Variants in SIPA1L3 observed in about 807,000 individuals in gnomAD.
SIPA1L3 encodes signal induced proliferation associated 1 like 3.
A neutral mutation model predicts 150.1 loss-of-function variants in SIPA1L3; 59 were observed. The ratio of observed to expected loss-of-function variants is 0.39; its 90% CI spans 0.32 to 0.49. SIPA1L3 has a LOEUF of 0.49. SIPA1L3 is among the 20% of genes least tolerant of loss of function. The pLI is 0.86. For synonymous variants in SIPA1L3, 1,070 were observed against 1,077.6 expected (o/e 0.99, Z 0.14); for missense variants, 2,211 against 2,489.5 (o/e 0.89, Z 2.38).
chr19:38,085,479 CAAAAAAAAAAA>C (rs1169340957), intron 3 of SIPA1L3, among the ~76,000 whole-genome samples: 1 of 66,128 alleles, frequency 1.5e-5, no homozygotes, highest in African/African-American at 4.5e-5. Flanking sequence ...GACTCCGTCT[CAAAAAAAAAAA>C]AAAAAAAAAG....
intron 1 of SIPA1L3, among the ~76,000 whole-genome samples, chr19:37,984,643 G>A (rs1238770721): frequency 6.6e-6 from 1 of 152,196 alleles, no homozygotes; most frequent in African/African-American, 2.4e-5. Flanking sequence ...GCTTACTAAT[G>A]AGCTTGGAAC....
In SIPA1L3 at chr19:38,130,582, G is replaced by A. The variant is rs764663824; in HGVS notation, c.2953G>A (p.Gly985Ser). 1.9e-6 allele frequency: 3 copies of A among 1,613,718 alleles called. No individual in the cohort carries two copies. The highest frequency in any genetic ancestry group is 1.3e-5 in the African/African-American group (1 of 74,938). Reference sequence around the variant, plus strand: ...GCTGGGCTTCCACGTGAAGTACGACGGCACGGTGGCCGAGGTTGAGGACTA... The same window carrying A: ...GCTGGGCTTCCACGTGAAGTACGACAGCACGGTGGCCGAGGTTGAGGACTA... ...GQLGFHVKYDGTVAEVEDYGF... is the reference protein window; with the variant it reads ...GQLGFHVKYDSTVAEVEDYGF... Residue 985 changes from glycine (G) to serine (S), a missense_variant, in exon 10 of 22, where the codon GGC becomes AGC. Physicochemically the swap from Gly to Ser is moderately conservative, Grantham distance 56. This residue lies in a region of SIPA1L3 where 625 missense variants were observed against 804.2 expected (regional missense o/e 0.78). Coordinates refer to ENST00000222345, the MANE Select transcript of SIPA1L3 (RefSeq NM_015073.3).
chr19:38,150,646 C>A (rs1971800905), intron 12 of SIPA1L3, among the ~76,000 whole-genome samples: 1 of 149,364 alleles, frequency 6.7e-6, no homozygotes, highest in Admixed American at 6.9e-5. Context: ...TCAATTGATT[C>A]TCCTGCCTCA....
chr19:37,909,142 C>T (rs117440584), intron 1 of SIPA1L3, among the ~76,000 whole-genome samples: 6 of 152,334 alleles, frequency 3.9e-5, no homozygotes, highest in South Asian at 4.1e-4. Flanking sequence ...GCAAGAAGGA[C>T]GAAGCTGCCA....
chr19:38,155,952 A>G (rs935953430), intron 13 of SIPA1L3, among the ~76,000 whole-genome samples: 5 of 151,942 alleles, frequency 3.3e-5, no homozygotes, highest in Non-Finnish European at 5.9e-5. Flanking sequence ...GTGATGGTGC[A>G]TGCCTATAAT....
intron 1 of SIPA1L3, among the ~76,000 whole-genome samples, chr19:37,984,479 C>T (rs1967293947): frequency 6.6e-6 from 1 of 151,942 alleles, no homozygotes; most frequent in African/African-American, 2.4e-5. Flanking sequence ...AAAAAGAAAT[C>T]CCCCAGATAG....
intron 20 of SIPA1L3, among the ~76,000 whole-genome samples, chr19:38,203,060 C>G (rs1973124128): frequency 6.6e-6 from 1 of 152,212 alleles, no homozygotes; most frequent in African/African-American, 2.4e-5. Context: ...ATACAACCAT[C>G]CGTGCACTGT....
intron 1 of SIPA1L3, among the ~76,000 whole-genome samples, chr19:37,994,366 G>A (rs573296534): frequency 1.4e-4 from 21 of 152,348 alleles, no homozygotes; most frequent in Non-Finnish European, 2.9e-4. Flanking sequence ...TGGCGCCAGT[G>A]TGTGGAGATC....
chr19:37,937,829 G>A (rs1388994228), intron 1 of SIPA1L3, among the ~76,000 whole-genome samples: 1 of 150,038 alleles, frequency 6.7e-6, no homozygotes, highest in Middle Eastern at 3.2e-3. Flanking sequence ...GGCAGATCAT[G>A]AGCTTAAGAG....
intron 8 of SIPA1L3, among the ~76,000 whole-genome samples, chr19:38,114,424 C>CAA (rs5828003): frequency 1.7e-4 from 17 of 100,244 alleles, no homozygotes; most frequent in South Asian, 6.9e-4. Context: ...ACTCTTGTCT[C>CAA]AAAAAAAAAA....
intron 1 of SIPA1L3, among the ~76,000 whole-genome samples, chr19:37,945,206 A>T (rs2046699197): frequency 6.6e-6 from 1 of 152,072 alleles, no homozygotes; most frequent in Non-Finnish European, 1.5e-5. Flanking sequence ...AAAAAATTGC[A>T]AGTCAGAGAC....
At chr19:38,136,015 C>T (rs1417654845) in intron 10 of SIPA1L3, among the ~76,000 whole-genome samples, 1 of 151,662 alleles carries the variant, frequency 6.6e-6, no homozygotes, top group Non-Finnish European at 1.5e-5. Flanking sequence ...TTCCTCCTAC[C>T]CCCAGGCCAC....
intron 3 of SIPA1L3, among the ~76,000 whole-genome samples, chr19:38,085,625 T>C (rs994247878): frequency 6.6e-6 from 1 of 152,232 alleles, no homozygotes; most frequent in Non-Finnish European, 1.5e-5. Flanking sequence ...TTTCTTAAAG[T>C]TCGCCAAGAA....
At chr19:38,175,438 T>G (rs1169192150) in intron 15 of SIPA1L3, among the ~76,000 whole-genome samples, 1 of 152,160 alleles carries the variant, frequency 6.6e-6, no homozygotes, top group Non-Finnish European at 1.5e-5. Flanking sequence ...CTACCCAGCC[T>G]CTGGTTTTTC....
intron 1 of SIPA1L3, among the ~76,000 whole-genome samples, chr19:37,963,516 G>C (rs1412486338): frequency 6.6e-6 from 1 of 152,252 alleles, no homozygotes; most frequent in Non-Finnish European, 1.5e-5. Context: ...CAGCCACAAA[G>C]TTTTCATGGC....
chr19:38,186,710 G>A (rs1194979546), intron 16 of SIPA1L3, among the ~76,000 whole-genome samples: 1 of 151,320 alleles, frequency 6.6e-6, no homozygotes, highest in Admixed American at 6.6e-5. Context: ...CCAAGGCCGA[G>A]TGTGGCGCGG....
rs1465637375 is a variant in SIPA1L3, at chr19:38,162,350, T to G, written c.3759T>G (p.Asp1253Glu). The G allele has an allele frequency of 1.9e-6, 3 of 1,614,116 alleles. No individual in the cohort carries two copies. Among genetic ancestry groups the G allele is most frequent in the Non-Finnish European group, 2.5e-6 (3 of 1,179,954 alleles). Residue 1253 changes from aspartate to glutamate, a missense_variant, in exon 14 of 22, where the codon GAT becomes GAG. Asp to Glu is a conservative substitution (Grantham distance 45). Coordinates refer to ENST00000222345, the MANE Select transcript of SIPA1L3 (RefSeq NM_015073.3). ...CCAGGCAGGATGCAGCAGGCAAAGA[T>G]TCCCCCAACAGGCATTCCAAAGTGA... ...HPSRQDAAGK[D>E]SPNRHSKGEP...
At chr19:38,087,164 T>C (rs1438016552) in intron 3 of SIPA1L3, among the ~76,000 whole-genome samples, 1 of 152,200 alleles carries the variant, frequency 6.6e-6, no homozygotes, top group Non-Finnish European at 1.5e-5. Flanking sequence ...GCAAAGAATC[T>C]TTGTCAAAGC....
rs1971579081 is a variant in SIPA1L3, at chr19:38,141,386, C to G, written c.3346C>G (p.Gln1116Glu). The G allele has an allele frequency of 1.2e-6, 2 of 1,613,350 alleles. No individual in the cohort carries two copies. Among genetic ancestry groups the G allele is most frequent in the African/African-American group, 2.7e-5 (2 of 74,910 alleles). ...HAQSLSRPLKQTPIVPFRESQ... is the reference protein window; with the variant it reads ...HAQSLSRPLKETPIVPFRESQ... ...CCAGTCCCTGAGCCGGCCCCTGAAG[C>G]AGACCCCCATAGTCCCCTTCCGGGA... The change falls in exon 11 of 22, where the codon CAG becomes GAG. Residue 1116 changes from glutamine (Q) to glutamate (E), a missense_variant. By Grantham distance (29) the Gln-to-Glu change is conservative. Coordinates refer to ENST00000222345, the MANE Select transcript of SIPA1L3 (RefSeq NM_015073.3).
Sources: gnomAD v4.1 joint callset for allele counts (sites outside exome capture counted in the v4.1 genomes callset) on GRCh38, gnomAD v4.1.1 for gene constraint, gnomAD v4.1.1 regional missense constraint, MANE v1.5 for transcripts, NCBI Gene and HGNC (gene_info 2026-07-23, HGNC 2026-07-21) for gene names.